Variants in NALF1 observed in about 807,000 individuals in gnomAD.
NALF1 encodes the protein family with sequence similarity 155 member A.
Under a neutral mutation model 48.4 loss-of-function variants are expected in NALF1, and 3 were observed. That is an observed-to-expected ratio of 0.06 (90% CI 0.03 to 0.16). NALF1 has a LOEUF of 0.16. NALF1 is among the 10% of genes least tolerant of loss of function. NALF1 has a pLI of 1.00. For synonymous variants in NALF1, 262 were observed against 245.7 expected (o/e 1.07, Z -0.62); for missense variants, 526 against 571.5 (o/e 0.92, Z 0.81).
At chr13:107,491,750 A>T (rs1285272222) in intron 1 of NALF1, among the ~76,000 whole-genome samples, 2 of 152,176 alleles carry the variant, frequency 1.3e-5, no homozygotes, top group African/African-American at 4.8e-5. Flanking sequence ...TCTTTGCAAC[A>T]TTCCATAAGT....
At chr13:107,174,836 C>T (rs1315436059) in intron 2 of NALF1, among the ~76,000 whole-genome samples, 4 of 151,590 alleles carry the variant, frequency 2.6e-5, no homozygotes, top group African/African-American at 9.7e-5. Context: ...AGTGGTCCCC[C>T]GCCCTGAACT....
At chr13:107,282,121 G>A (rs945921976) in intron 1 of NALF1, among the ~76,000 whole-genome samples, 2 of 152,144 alleles carry the variant, frequency 1.3e-5, no homozygotes, top group African/African-American at 2.4e-5. Context: ...AAGGACATAC[G>A]CTTTCTGAGT....
intron 1 of NALF1, among the ~76,000 whole-genome samples, chr13:107,229,573 A>G (rs529726460): frequency 2.0e-5 from 3 of 152,202 alleles, no homozygotes; most frequent in Non-Finnish European, 4.4e-5. Context: ...TAAGGAGTCC[A>G]CAGGAGATTC....
In NALF1 at chr13:107,170,479, G is replaced by A; in HGVS notation, c.*18C>T. 1 of 1,571,494 alleles carries A rather than the reference G, an allele frequency of 6.4e-7. No homozygotes were observed. The highest frequency in any genetic ancestry group is 1.3e-5 in the African/African-American group (1 of 74,580). On this transcript the variant is annotated 3_prime_UTR_variant, in exon 3 of 3. Coordinates refer to ENST00000375915, the MANE Select transcript of NALF1 (RefSeq NM_001080396.3). Reference sequence around the variant, plus strand: ...TCACGGCGGGCCAGCTGCTGCTGTGGTGACACTCGTCCTTCCGTTACTCCT... The same window carrying A: ...TCACGGCGGGCCAGCTGCTGCTGTGATGACACTCGTCCTTCCGTTACTCCT...
At chr13:107,737,950 T>C (rs1042834872) in intron 1 of NALF1, among the ~76,000 whole-genome samples, 4 of 152,148 alleles carry the variant, frequency 2.6e-5, no homozygotes, top group African/African-American at 9.7e-5. Flanking sequence ...GGAAAACACA[T>C]ATTTTTTTCA....
intron 1 of NALF1, among the ~76,000 whole-genome samples, chr13:107,216,631 G>T (rs1752767966): frequency 6.6e-6 from 1 of 152,124 alleles, no homozygotes; most frequent in African/African-American, 2.4e-5. Flanking sequence ...TTTGAATCCT[G>T]TCATCACACT....
At chr13:107,770,157 C>T (rs967255264) in intron 1 of NALF1, among the ~76,000 whole-genome samples, 2 of 152,182 alleles carry the variant, frequency 1.3e-5, no homozygotes, top group East Asian at 3.9e-4. Flanking sequence ...TCGTGATCCA[C>T]CCGCCTCGGC....
intron 1 of NALF1, among the ~76,000 whole-genome samples, chr13:107,840,356 A>T (rs1880010156): frequency 6.6e-6 from 1 of 152,220 alleles, no homozygotes; most frequent in Non-Finnish European, 1.5e-5. Context: ...TTGCATTTTA[A>T]AAGTGGCAGT....
intron 1 of NALF1, among the ~76,000 whole-genome samples, chr13:107,863,974 T>G (rs1463196802): frequency 6.6e-6 from 1 of 152,206 alleles, no homozygotes; most frequent in Non-Finnish European, 1.5e-5. Context: ...ATATAATTAT[T>G]ACAGGGTACC....
At chr13:107,178,454 T>C (rs1878986500) in intron 2 of NALF1, among the ~76,000 whole-genome samples, 1 of 152,216 alleles carries the variant, frequency 6.6e-6, no homozygotes, top group African/African-American at 2.4e-5. Flanking sequence ...TATGAAGAAG[T>C]GCTCAACACA....
chr13:107,206,511 A>ATTAT (rs1594069793), intron 2 of NALF1, among the ~76,000 whole-genome samples: 1 of 152,252 alleles, frequency 6.6e-6, no homozygotes, highest in East Asian at 1.9e-4. Context: ...GAGCACCATA[A>ATTAT]AGAAATGATG....
chr13:107,179,289 C>T (rs998661771), intron 2 of NALF1, among the ~76,000 whole-genome samples: 2 of 152,032 alleles, frequency 1.3e-5, no homozygotes, highest in Non-Finnish European at 2.9e-5. Context: ...TATGTTCTCG[C>T]CTACTTGTGA....
chr13:107,173,848 A>G (rs1283286522), intron 2 of NALF1, among the ~76,000 whole-genome samples: 1 of 152,196 alleles, frequency 6.6e-6, no homozygotes, highest in Non-Finnish European at 1.5e-5. Context: ...CACTGGTCCT[A>G]TGTTTGGCTG....
chr13:107,856,494 C>A (rs1031948993), intron 1 of NALF1, among the ~76,000 whole-genome samples: 1 of 152,036 alleles, frequency 6.6e-6, no homozygotes, highest in Non-Finnish European at 1.5e-5. Flanking sequence ...AGTTTCACTT[C>A]CTGTCTAACT....
intron 1 of NALF1, among the ~76,000 whole-genome samples, chr13:107,721,806 G>C (rs1269021862): frequency 6.6e-6 from 1 of 152,170 alleles, no homozygotes; most frequent in South Asian, 2.1e-4. Context: ...TTCTCTCCCG[G>C]AGGAGAGGGA....
chr13:107,782,468 C>G (rs1374793493), intron 1 of NALF1, among the ~76,000 whole-genome samples: 1 of 152,104 alleles, frequency 6.6e-6, no homozygotes, highest in Non-Finnish European at 1.5e-5. Flanking sequence ...CTCTGCCCGG[C>G]CGCCACCCCG....
At chr13:107,261,156 A>G (rs759869828) in intron 1 of NALF1, among the ~76,000 whole-genome samples, 6 of 152,214 alleles carry the variant, frequency 3.9e-5, no homozygotes, top group Non-Finnish European at 8.8e-5. Context: ...AAGTAAATAA[A>G]TACAAATGTT....
At chr13:107,231,360 C>T (rs1880221574) in intron 1 of NALF1, among the ~76,000 whole-genome samples, 1 of 152,128 alleles carries the variant, frequency 6.6e-6, no homozygotes, top group Non-Finnish European at 1.5e-5. Context: ...TGATTTTAAA[C>T]ATTATATAGG....
chr13:107,488,525 CAT>C (rs1319928101), intron 1 of NALF1, among the ~76,000 whole-genome samples: 2 of 152,080 alleles, frequency 1.3e-5, no homozygotes, highest in Non-Finnish European at 2.9e-5. Flanking sequence ...AAAAAAACCA[CAT>C]GATTATCTCA....
Sources: allele counts gnomAD v4.1 joint callset (sites outside exome capture counted in the v4.1 genomes callset), GRCh38; gene constraint gnomAD v4.1.1; transcripts MANE v1.5; gene names NCBI Gene and HGNC (gene_info 2026-07-23, HGNC 2026-07-21).